Variants in DNAH6 observed in about 807,000 individuals in gnomAD.
DNAH6 encodes axonemal beta dynein heavy chain 6.
In DNAH6, 340 loss-of-function variants were observed where a neutral mutation model predicts 491.4. That is an observed-to-expected ratio of 0.69 (90% CI 0.63 to 0.76). The LOEUF is 0.76. Among genes scored for constraint, DNAH6 ranks in the 30% least tolerant of loss-of-function variants. The pLI, the probability that DNAH6 is intolerant of heterozygous loss-of-function variation, is 0.00. For synonymous variants in DNAH6, 1,603 were observed against 1,686.1 expected (o/e 0.95, Z 1.21); for missense variants, 4,443 against 4,972.2 (o/e 0.89, Z 3.20).
intron 70 of DNAH6, among the ~76,000 whole-genome samples, chr2:84,798,931 A>C (rs777265541): frequency 1.3e-5 from 2 of 151,844 alleles, no homozygotes; most frequent in Non-Finnish European, 2.9e-5. Flanking sequence ...ACAAGGAAGA[A>C]TATGGCATAG....
Position 84,796,096 on chromosome 2 carries a change from G to A in DNAH6, c.11240-210G>A, listed in dbSNP as rs562875864. On this transcript the variant is annotated intron_variant, in intron 68 of 76. Transcript: ENST00000389394. ...GAAAACTAAAACAGCAAAATAATGAGAGTAGAGTACATATAGTAGATTTTT... is the reference window on the plus strand; with the variant it reads ...GAAAACTAAAACAGCAAAATAATGAAAGTAGAGTACATATAGTAGATTTTT... 5.3e-5 allele frequency among the ~76,000 whole-genome samples: 8 copies of A among 152,270 alleles called. No individual in the cohort carries two copies. The South Asian group carries it at 1.7e-3, about 32-fold the overall frequency.
At chr2:84,800,229 G>GA (rs1222920367) in intron 70 of DNAH6, among the ~76,000 whole-genome samples, 6 of 151,232 alleles carry the variant, frequency 4.0e-5, no homozygotes, top group Non-Finnish European at 7.4e-5. Context: ...TATCCTCCAG[G>GA]AAAAAAAAGA....
At chr2:84,519,600 CCTT>C (rs1370945770) in intron 2 of DNAH6, among the ~76,000 whole-genome samples, 4 of 151,518 alleles carry the variant, frequency 2.6e-5, no homozygotes, top group Non-Finnish European at 5.9e-5. Flanking sequence ...TTTCCCTTCC[CCTT>C]CTTCTTCCTA....
intron 33 of DNAH6, among the ~76,000 whole-genome samples, chr2:84,643,985 T>C (rs1021759643): frequency 3.9e-5 from 6 of 152,168 alleles, no homozygotes; most frequent in African/African-American, 1.2e-4. Context: ...CTGGACATGA[T>C]GTACTGGTTA....
chr2:84,559,911 A>G (rs529469464), intron 11 of DNAH6, among the ~76,000 whole-genome samples: 1 of 152,262 alleles, frequency 6.6e-6, no homozygotes, highest in East Asian at 1.9e-4. Flanking sequence ...TCAAAAGTTT[A>G]ACACTACTAT....
intron 18 of DNAH6, among the ~76,000 whole-genome samples, chr2:84,599,349 T>A (rs116332230): frequency 0.041 from 2,223 of 54,424 alleles, 29 homozygotes; most frequent in East Asian, 0.32. Flanking sequence ...TAATTTATAA[T>A]TTTTTTCTTT....
At chr2:84,669,069 A>C (rs751026530) in intron 37 of DNAH6, among the ~76,000 whole-genome samples, 5 of 152,188 alleles carry the variant, frequency 3.3e-5, no homozygotes, top group Non-Finnish European at 7.4e-5. Flanking sequence ...CATGGGTTTT[A>C]ATATAATCGG....
chr2:84,808,631 C>T (rs1679669256), intron 72 of DNAH6, 89 bp downstream of exon 72: 1 of 1,350,082 alleles, frequency 7.4e-7, no homozygotes. Context: ...CCCATCACTT[C>T]AGCATTTCCA....
chr2:84,697,743 G>A lies in DNAH6; in HGVS notation c.7677+16G>A, dbSNP rs780356135. The stretch of plus-strand genomic sequence containing the variant: ...CAGAGACGAGGTAGGATGTGCCAGA[G>A]TAGTTATGTGGCTTTATCACAAAAA... On this transcript the variant is annotated intron_variant, in intron 47 of 76. Coordinates refer to ENST00000389394, the MANE Select transcript of DNAH6 (RefSeq NM_001370.2). The A allele has an allele frequency of 1.3e-6, 2 of 1,551,530 alleles. No individual in the cohort carries two copies. The highest frequency in any genetic ancestry group is 1.7e-6 in the Non-Finnish European group (2 of 1,146,840).
intron 54 of DNAH6, 149 bp from the exon 55 acceptor site, chr2:84,709,194 G>A (rs1573560367): frequency 2.6e-6 from 2 of 756,266 alleles, no homozygotes; most frequent in East Asian, 5.4e-5. Context: ...TACTTCCTGT[G>A]TCCCATGCTC....
intron 45 of DNAH6, among the ~76,000 whole-genome samples, chr2:84,690,774 T>C (rs868001831): frequency 6.6e-6 from 1 of 152,238 alleles, no homozygotes; most frequent in African/African-American, 2.4e-5. Context: ...TTAAGAGCGT[T>C]CAAACACCTA....
At chr2:84,542,554 C>T (rs1439533908) in intron 4 of DNAH6, among the ~76,000 whole-genome samples, 1 of 152,140 alleles carries the variant, frequency 6.6e-6, no homozygotes, top group East Asian at 1.9e-4. Flanking sequence ...GACTATTCCT[C>T]TCCCACTTCG....
intron 18 of DNAH6, among the ~76,000 whole-genome samples, chr2:84,596,640 G>A (rs1684608843): frequency 6.9e-6 from 1 of 145,416 alleles, no homozygotes; most frequent in African/African-American, 2.5e-5. Context: ...CAATTTTAGG[G>A]TATTTTTTTA....
chr2:84,569,416 G>C (rs902595715), intron 11 of DNAH6, among the ~76,000 whole-genome samples: 4 of 151,710 alleles, frequency 2.6e-5, no homozygotes, highest in Non-Finnish European at 4.4e-5. Context: ...GAGGATGGTG[G>C]GTAAAAAGTG....
intron 45 of DNAH6, 93 bp from the exon 46 acceptor site, chr2:84,694,156 C>T (rs1424987736): frequency 7.0e-6 from 8 of 1,138,804 alleles, no homozygotes; most frequent in African/African-American, 1.5e-5. Flanking sequence ...GAGGAGGCTC[C>T]ACTGGCCACC....
rs937787324 is a variant in DNAH6, at chr2:84,621,423, C to G, written c.3958-15C>G. 12 of 1,540,334 alleles carry G rather than the reference C, an allele frequency of 7.8e-6. No homozygotes were observed. In the Admixed American group the frequency reaches 1.8e-4, roughly 23 times the overall value. Reference sequence around the variant, plus strand: ...TGATATGCATCACATATTTAAGAAACATGTTTTCTTGCAGGTTATCCTGAC... The same window carrying G: ...TGATATGCATCACATATTTAAGAAAGATGTTTTCTTGCAGGTTATCCTGAC... On this transcript the variant is annotated splice_polypyrimidine_tract_variant and intron_variant, in intron 25 of 76. Coordinates refer to ENST00000389394, the MANE Select transcript of DNAH6 (RefSeq NM_001370.2).
chr2:84,485,090 A>C, the DNAH6 span, among the ~76,000 whole-genome samples: 1 of 152,220 alleles, frequency 6.6e-6, no homozygotes, highest in Non-Finnish European at 1.5e-5. Flanking sequence ...ATGACAGAAT[A>C]GAGTTTGAGT....
At chr2:84,673,142 C>T (rs140739125) in intron 40 of DNAH6, among the ~76,000 whole-genome samples, 194 of 152,218 alleles carry the variant, frequency 1.3e-3, no homozygotes, top group Middle Eastern at 6.8e-3. Context: ...TGAAGGCATG[C>T]ATGCCAAAGC....
intron 28 of DNAH6, 96 bp from the exon 29 acceptor site, chr2:84,624,806 A>G (rs1687707513): frequency 7.5e-7 from 1 of 1,335,900 alleles, no homozygotes; most frequent in Non-Finnish European, 1.0e-6. Flanking sequence ...TATATTTTTC[A>G]TAGAAAATAA....
Sources: gnomAD v4.1 joint callset for allele counts (sites outside exome capture counted in the v4.1 genomes callset) on GRCh38, gnomAD v4.1.1 for gene constraint, MANE v1.5 for transcripts, NCBI Gene and HGNC (gene_info 2026-07-23, HGNC 2026-07-21) for gene names.